Variants in GRID1 observed in about 807,000 individuals in gnomAD.
GRID1 encodes the protein glutamate receptor ionotropic, delta-1.
A neutral mutation model predicts 98.0 loss-of-function variants in GRID1; 28 were observed. The ratio of observed to expected loss-of-function variants is 0.29; its 90% confidence interval spans 0.21 to 0.39. GRID1 has a LOEUF of 0.39. Among genes scored for constraint, GRID1 ranks in the 10% least tolerant of loss-of-function variants. The probability of loss-of-function intolerance (pLI) is 1.00; values close to 1 mark genes in which losing one functional copy is unlikely to be tolerated. For missense variants in GRID1, 1,111 were observed against 1,340.5 expected, an observed-to-expected ratio of 0.83 and a Z score of 2.67; for synonymous variants, 553 against 538.5, an observed-to-expected ratio of 1.03 and a Z score of -0.37.
chr10:86,058,512 C>A (rs918302431), intron 4 of GRID1, among the ~76,000 whole-genome samples: 2 of 152,194 alleles, frequency 1.3e-5, no homozygotes, highest in African/African-American at 4.8e-5. Flanking sequence ...CTCACTCTCT[C>A]CAGAGAAAGA....
At chr10:85,826,613 C>T (rs905181215) in intron 8 of GRID1, among the ~76,000 whole-genome samples, 23 of 152,216 alleles carry the variant, frequency 1.5e-4, no homozygotes, top group Non-Finnish European at 2.9e-5. Context: ...CACATTCACC[C>T]TGCCACACTG....
chr10:85,831,594 A>C (rs1482897502), intron 8 of GRID1, among the ~76,000 whole-genome samples: 1 of 152,164 alleles, frequency 6.6e-6, no homozygotes, highest in Non-Finnish European at 1.5e-5. Flanking sequence ...AAAGAGCCAA[A>C]ATCATTTACA....
chr10:85,771,650 A>G (rs1043369989), intron 8 of GRID1, among the ~76,000 whole-genome samples: 1 of 152,170 alleles, frequency 6.6e-6, no homozygotes, highest in Non-Finnish European at 1.5e-5. Context: ...AATGGAAAAC[A>G]AAAAAAGGCA....
intron 4 of GRID1, among the ~76,000 whole-genome samples, chr10:86,085,886 C>T (rs1049088017): frequency 2.2e-4 from 34 of 152,266 alleles, no homozygotes; most frequent in Admixed American, 7.2e-4. Context: ...CCACTGCCAT[C>T]GGGACCCATG....
At chr10:85,864,342 G>C (rs557417033) in intron 6 of GRID1, among the ~76,000 whole-genome samples, 1 of 152,346 alleles carries the variant, frequency 6.6e-6, no homozygotes, top group Admixed American at 6.5e-5. Flanking sequence ...GGGCACAGTG[G>C]ATGCAGGGAG....
chr10:85,676,133 C>A (rs771624791), intron 12 of GRID1, among the ~76,000 whole-genome samples: 1 of 152,166 alleles, frequency 6.6e-6, no homozygotes, highest in Non-Finnish European at 1.5e-5. Flanking sequence ...GGAGGTCAAC[C>A]AGACCTGTAG....
chr10:85,785,340 G>T (rs1842418351), intron 8 of GRID1, among the ~76,000 whole-genome samples: 2 of 152,168 alleles, frequency 1.3e-5, no homozygotes, highest in African/African-American at 4.8e-5. Context: ...AAAGAGTTTG[G>T]TTCCACAGTG....
chr10:85,931,486 A>T (rs1210835032), intron 4 of GRID1, among the ~76,000 whole-genome samples: 1 of 151,860 alleles, frequency 6.6e-6, no homozygotes, highest in Admixed American at 6.6e-5. Flanking sequence ...TTTCTCTCTC[A>T]TTATATACCT....
chr10:86,348,728 G>A (rs1848423728), intron 2 of GRID1, among the ~76,000 whole-genome samples: 1 of 152,252 alleles, frequency 6.6e-6, no homozygotes, highest in South Asian at 2.1e-4. Flanking sequence ...GCATGCCCCT[G>A]CTGGCTGCAC....
At chr10:85,680,301 C>A (rs946183691) in intron 12 of GRID1, among the ~76,000 whole-genome samples, 1 of 152,162 alleles carries the variant, frequency 6.6e-6, no homozygotes, top group Non-Finnish European at 1.5e-5. Context: ...TCCATTCCAG[C>A]TGCCCCTGGC....
intron 13 of GRID1, among the ~76,000 whole-genome samples, chr10:85,641,069 A>G (rs1843110742): frequency 6.6e-6 from 1 of 152,224 alleles, no homozygotes; most frequent in African/African-American, 2.4e-5. Flanking sequence ...TATTAACGCT[A>G]TATTCTACTT....
chr10:86,197,734 C>T (rs575379399), intron 3 of GRID1, among the ~76,000 whole-genome samples: 2 of 152,162 alleles, frequency 1.3e-5, no homozygotes, highest in South Asian at 4.2e-4. Context: ...GGCATCTCCT[C>T]ATGTCTCCAG....
chr10:85,700,957 T>G (rs918154427), intron 12 of GRID1, among the ~76,000 whole-genome samples: 1 of 152,142 alleles, frequency 6.6e-6, no homozygotes, highest in Non-Finnish European at 1.5e-5. Context: ...GGTTGAAAAT[T>G]TATAAGTTGA....
chr10:86,041,767 T>A (rs113341091), intron 4 of GRID1, among the ~76,000 whole-genome samples: 6,658 of 152,284 alleles, frequency 0.044, 173 homozygotes, highest in Middle Eastern at 0.068. Flanking sequence ...AGTCACTATG[T>A]AAACCCCAAG....
chr10:85,857,676 C>G (rs1367932679), intron 6 of GRID1, among the ~76,000 whole-genome samples: 3 of 152,180 alleles, frequency 2.0e-5, no homozygotes, highest in Non-Finnish European at 4.4e-5. Context: ...CTCTGAACGC[C>G]TAAGCAGCAA....
chr10:85,861,972 GCA>G (rs1564612280), intron 6 of GRID1, among the ~76,000 whole-genome samples: 1 of 152,140 alleles, frequency 6.6e-6, no homozygotes. Context: ...TTTCCACACT[GCA>G]CAGAGTTGCC....
intron 5 of GRID1, among the ~76,000 whole-genome samples, chr10:85,882,803 A>G (rs1275407960): frequency 6.6e-6 from 1 of 152,182 alleles, no homozygotes; most frequent in Non-Finnish European, 1.5e-5. Context: ...AAATCATTTT[A>G]ACTGTCATTC....
chr10:86,085,079 G>A (rs762865728), intron 4 of GRID1, among the ~76,000 whole-genome samples: 1 of 152,206 alleles, frequency 6.6e-6, no homozygotes, highest in Non-Finnish European at 1.5e-5. Context: ...AGAAAGAAGA[G>A]GAGTTTCCAG....
At chr10:85,826,117 G>A (rs901146186) in intron 8 of GRID1, among the ~76,000 whole-genome samples, 3 of 151,928 alleles carry the variant, frequency 2.0e-5, no homozygotes, top group Admixed American at 6.6e-5. Flanking sequence ...ACCTGAGGTC[G>A]GGTGTTCCAG....
Sources: allele counts gnomAD v4.1 joint callset (sites outside exome capture counted in the v4.1 genomes callset), GRCh38; gene constraint gnomAD v4.1.1; transcripts MANE v1.5; gene names NCBI Gene and HGNC (gene_info 2026-07-23, HGNC 2026-07-21).